Variants in RPL5 observed in about 807,000 individuals in gnomAD.
The protein encoded by RPL5 is large ribosomal subunit protein uL18.
Under a neutral mutation model 38.4 loss-of-function variants are expected in RPL5, and 1 was observed. The ratio of observed to expected loss-of-function variants is 0.03; its 90% CI spans 0.01 to 0.12. The LOEUF (loss-of-function observed/expected upper bound fraction) is 0.12. Ranked by LOEUF, RPL5 falls within the 10% of genes least tolerant of loss-of-function variation. The pLI is 1.00. For missense variants in RPL5, 243 were observed against 374.1 expected (o/e 0.65, Z 2.89); for synonymous variants, 109 against 121.2 (o/e 0.90, Z 0.66).
At chr1:92,840,713 G>C in intron 7 of RPL5, 74 bp downstream of exon 7, 1 of 1,099,468 alleles carries the variant, frequency 9.1e-7, no homozygotes, top group Non-Finnish European at 1.4e-6. Flanking sequence ...GACTGTTGGT[G>C]TAATTGTGCA....
chr1:92,841,273 A>G (rs1687353477), intron 7 of RPL5, among the ~76,000 whole-genome samples: 1 of 152,150 alleles, frequency 6.6e-6, no homozygotes, highest in African/African-American at 2.4e-5. Context: ...AATATGAAGT[A>G]TTTGTCTTTT....
chr1:92,836,092 C>T (rs1244641446), intron 4 of RPL5, 98 bp from the exon 5 acceptor site: 2 of 1,141,786 alleles, frequency 1.8e-6, no homozygotes, highest in East Asian at 4.7e-5. Context: ...ATTTTCTTTT[C>T]CAGATGTCAG....
In RPL5 at chr1:92,832,097, C is replaced by A. The variant is rs201295012; in HGVS notation, c.-18C>A. On this transcript the variant is annotated 5_prime_UTR_variant, in exon 1 of 8. Transcript: ENST00000370321. ...CAGGTCTCTGTCGAGCAGCGGACGC[C>A]GGTCTCTGTTCCGCAGGATGGTGAG... is the stretch of plus-strand genomic sequence containing the variant. 2.4e-4 allele frequency: 387 copies of A among 1,613,958 alleles called. 1 individual carries two copies. Among genetic ancestry groups the A allele is most frequent in the African/African-American group, 1.1e-4 (8 of 74,944 alleles).
chr1:92,836,867 A>G, intron 5 of RPL5: 1 of 206,296 alleles, frequency 4.8e-6, no homozygotes, highest in Non-Finnish European at 1.0e-5. Flanking sequence ...AAGTAGGTTA[A>G]TTTGTAGTTC....
chr1:92,835,051 A>T, intron 4 of RPL5, 138 bp downstream of exon 4: 1 of 1,232,974 alleles, frequency 8.1e-7, no homozygotes. Context: ...TGCTTTGTTA[A>T]TGGATCTATC....
rs1260067737 is a variant in RPL5, at chr1:92,832,049, A to AC, written c.-61dup. On this transcript the variant is annotated 5_prime_UTR_variant, in exon 1 of 8. Transcript: ENST00000370321. ...GCGCAAGGGCTGTGGCCCTTTTCCC[A>AC]CCCCCTAGCGCCGCTGGGCCTGCAG... The AC allele has an allele frequency of 3.1e-6, 5 of 1,608,820 alleles. No individual in the cohort carries two copies. In the Admixed American group the frequency reaches 5.1e-5, roughly 16 times the overall value.
intron 1 of RPL5, 41 bp downstream of exon 1, chr1:92,832,158 G>A: frequency 1.2e-6 from 2 of 1,613,588 alleles, no homozygotes; most frequent in Non-Finnish European, 1.7e-6. Flanking sequence ...GATGCATGGA[G>A]GTTCCCTTTT....
intron 3 of RPL5, among the ~76,000 whole-genome samples, chr1:92,834,513 C>T (rs140606501): frequency 6.6e-6 from 1 of 152,154 alleles, no homozygotes; most frequent in African/African-American, 2.4e-5. Context: ...TCCTCCGTAC[C>T]CAAGTTCAGA....
Position 92,833,734 on chromosome 1 carries a change from T to C in RPL5, c.189+74T>C, listed in dbSNP as rs894793689. ...TGCTTGGGAAGCAAAGCACATGGTGTGTGTGTTAGAAGGGCTGTCTAGCAC... is the reference window on the plus strand; with the variant it reads ...TGCTTGGGAAGCAAAGCACATGGTGCGTGTGTTAGAAGGGCTGTCTAGCAC... On this transcript the variant is annotated intron_variant, in intron 3 of 7. Coordinates refer to ENST00000370321, the MANE Select transcript of RPL5 (RefSeq NM_000969.5). 2.4e-6 allele frequency: 3 copies of C among 1,234,858 alleles called. No individual in the cohort carries two copies. The African/African-American group carries it at 4.5e-5, about 18-fold the overall frequency. The allele number at this position is 1,234,858 out of a possible 1,614,324, so 76.5% of individuals were successfully genotyped here.
chr1:92,832,206 C>G, intron 1 of RPL5, 89 bp downstream of exon 1: 1 of 1,582,138 alleles, frequency 6.3e-7, no homozygotes, highest in Non-Finnish European at 8.6e-7. Flanking sequence ...TCTCGCGCGT[C>G]GCAGGGGCCG....
Position 92,832,305 on chromosome 1 carries a change from G to T in RPL5, c.3+188G>T, listed in dbSNP as rs569396264. ...CTGCCGCCCGGTGCGCGAACTTGGG[G>T]GGAGGGGTTGGCGAAGAAGGGTTGC... is the stretch of plus-strand genomic sequence containing the variant. On this transcript the variant is annotated intron_variant, in intron 1 of 7. Transcript: ENST00000370321. The T allele has an allele frequency of 8.0e-4, 699 of 873,528 alleles. 7 individuals carry two copies. The South Asian group carries it at 9.5e-3, about 12-fold the overall frequency. The allele number at this position is 873,528 out of a possible 1,614,324, so 54.1% of individuals were successfully genotyped here.
At chr1:92,834,111 G>C (rs1687023340) in intron 3 of RPL5, among the ~76,000 whole-genome samples, 1 of 152,156 alleles carries the variant, frequency 6.6e-6, no homozygotes, top group East Asian at 1.9e-4. Context: ...TTATGTGTGT[G>C]GGGTGGGGAG....
chr1:92,835,772 C>T (rs1687098820), intron 4 of RPL5, among the ~76,000 whole-genome samples: 1 of 151,578 alleles, frequency 6.6e-6, no homozygotes, highest in Non-Finnish European at 1.5e-5. Flanking sequence ...GGGATTTTGC[C>T]TTGTTTTTAT....
At chr1:92,833,347 GCTAAGA>G (rs1167044978) in intron 1 of RPL5, 36 bp from the exon 2 acceptor site, 1 of 1,473,106 alleles carries the variant, frequency 6.8e-7, no homozygotes, top group South Asian at 1.1e-5. Flanking sequence ...AGTATCATAG[GCTAAGA>G]CATCAAAGTT....
At chr1:92,832,287 C>G in intron 1 of RPL5, 170 bp downstream of exon 1, 1 of 1,058,460 alleles carries the variant, frequency 9.4e-7, no homozygotes, top group South Asian at 1.3e-5. Context: ...TGGCTGCCGC[C>G]CGGTGCGCGA....
At chr1:92,832,318 G>C in intron 1 of RPL5, 1 of 785,404 alleles carries the variant, frequency 1.3e-6, no homozygotes, top group African/African-American at 1.7e-5. Flanking sequence ...AGGGGTTGGC[G>C]AAGAAGGGTT....
Position 92,834,829 on chromosome 1 carries a change from A to G in RPL5, c.240A>G (p.Ala80=), listed in dbSNP as rs1364716685. ...ATATGATAGTCTGCGCAGCGTATGC[A>G]CACGAACTGCCAAAATATGGTGTGA... The part of the protein sequence containing the change: ...EGDMIVCAAY[A]HELPKYGVKV... The change falls in exon 4 of 8, where the codon GCA becomes GCG. Residue 80 remains alanine, a synonymous_variant. Transcript: ENST00000370321. 2.5e-6 allele frequency: 4 copies of G among 1,611,816 alleles called. No individual in the cohort carries two copies. The highest frequency in any genetic ancestry group is 1.1e-5 in the South Asian group (1 of 91,086).
chr1:92,833,513 G>C (rs746972158), intron 2 of RPL5, 32 bp from the exon 3 acceptor site: 2 of 1,611,060 alleles, frequency 1.2e-6, no homozygotes, highest in South Asian at 2.2e-5. Flanking sequence ...ATGCAGTGGA[G>C]TATCCTTTCT....
chr1:92,835,547 C>T (rs1015434775), intron 4 of RPL5, among the ~76,000 whole-genome samples: 10 of 149,784 alleles, frequency 6.7e-5, no homozygotes, highest in African/African-American at 2.5e-4. Context: ...GTAGTCCCAA[C>T]TACTTGGGAG....
Sources: gnomAD v4.1 joint callset for allele counts (sites outside exome capture counted in the v4.1 genomes callset) on GRCh38, gnomAD v4.1.1 for gene constraint, MANE v1.5 for transcripts, NCBI Gene and HGNC (gene_info 2026-07-23, HGNC 2026-07-21) for gene names.